The following LRPAP1 variants were observed in gnomAD, a reference collection of about 807,000 sequenced individuals.
LRPAP1 encodes the protein LDL receptor related protein associated protein 1.
A neutral mutation model predicts 39.9 loss-of-function variants in LRPAP1; 41 were observed. The observed-to-expected ratio is 1.03, with a 90% CI of 0.80 to 1.33. LRPAP1 has a LOEUF of 1.33. Among genes scored for constraint, LRPAP1 ranks in the 40% most tolerant of loss-of-function variants. LRPAP1 has a pLI of 0.00. For synonymous variants in LRPAP1, 263 were observed against 212.7 expected (o/e 1.24, Z -2.06); for missense variants, 565 against 482.3 (o/e 1.17, Z -1.61).
At chr4:3,525,147 C>A (rs1371019038) in intron 1 of LRPAP1, 96 bp from the exon 2 acceptor site, 3 of 1,433,870 alleles carry the variant, frequency 2.1e-6, no homozygotes, top group Non-Finnish European at 2.9e-6. Context: ...CCGGGAGGTT[C>A]TGGGAGACCA....
rs1272550664 is a variant in LRPAP1, at chr4:3,505,498, G to A, written c.*7476C>T. 6.6e-6 allele frequency among the ~76,000 whole-genome samples: 1 copy of A among 152,186 alleles called. No homozygotes were observed. The highest frequency in any genetic ancestry group is 2.4e-5 in the African/African-American group (1 of 41,444). Reference sequence around the variant, plus strand: ...CACACCGCGCAGCTGCCTGTGCCTGGCAGGGGCCTCCTGCGGCCGGAACGT... The same window carrying A: ...CACACCGCGCAGCTGCCTGTGCCTGACAGGGGCCTCCTGCGGCCGGAACGT... On this transcript the variant is annotated 3_prime_UTR_variant, in exon 8 of 8. Transcript: ENST00000650182.
In LRPAP1 at chr4:3,521,333, G is replaced by A. The variant is rs541212601; in HGVS notation, c.350-1140C>T. Among the ~76,000 whole-genome samples the A allele has an allele frequency of 3.4e-4, 52 of 152,256 alleles. 1 individual carries two copies. The highest frequency in any genetic ancestry group is 1.2e-3 in the African/African-American group (51 of 41,566). ...GCCTCACACTTCCCCTCACCCCGAGGACCTCTTCACCCAGATGGTGACTCC... is the reference window on the plus strand; with the variant it reads ...GCCTCACACTTCCCCTCACCCCGAGAACCTCTTCACCCAGATGGTGACTCC... On this transcript the variant is annotated intron_variant, in intron 2 of 7. Coordinates refer to ENST00000650182, the MANE Select transcript of LRPAP1 (RefSeq NM_002337.4).
At chr4:3,515,960 G>A in intron 6 of LRPAP1, 156 bp downstream of exon 6, 2 of 719,312 alleles carry the variant, frequency 2.8e-6, no homozygotes, top group Non-Finnish European at 2.3e-6. Context: ...AGATGAGAAG[G>A]AAAACGCAAG....
intron 2 of LRPAP1, among the ~76,000 whole-genome samples, chr4:3,521,428 C>T (rs1336787876): frequency 6.6e-6 from 1 of 152,186 alleles, no homozygotes; most frequent in African/African-American, 2.4e-5. Context: ...AGCGGGGCCT[C>T]CACATGCTCT....
At position 3,522,675 on chromosome 4, in the gene LRPAP1, C is replaced by A. The variant is rs1487137794; in HGVS notation, c.349+2232G>T. Among the ~76,000 whole-genome samples the A allele has an allele frequency of 1.6e-4, 17 of 107,258 alleles. 3 individuals carry two copies. In the East Asian group the frequency reaches 4.6e-3, roughly 29 times the overall value. The allele number at this position is 107,258 out of a possible 152,430, so 70.4% of individuals were successfully genotyped here. A position where few individuals can be genotyped will look rare whatever the true frequency, so the allele number is the denominator to read the frequency against. On this transcript the variant is annotated intron_variant, in intron 2 of 7. Coordinates refer to ENST00000650182, the MANE Select transcript of LRPAP1 (RefSeq NM_002337.4). Reference sequence around the variant, plus strand: ...TGGGGAGGACGGACGCCGCCCCACACCCCCTGCCTGGGGAGGACAGACGCC... The same window carrying A: ...TGGGGAGGACGGACGCCGCCCCACAACCCCTGCCTGGGGAGGACAGACGCC...
At position 3,507,842 on chromosome 4, in the gene LRPAP1, G is replaced by C. The variant is rs1007839798; in HGVS notation, c.*5132C>G. 1 of 152,162 alleles carries C rather than the reference G, an allele frequency of 6.6e-6. No homozygotes were observed. Among genetic ancestry groups the C allele is most frequent in the Non-Finnish European group, 1.5e-5 (1 of 68,032 alleles). The allele number at this position is 152,162 out of a possible 1,614,324, so 9.4% of individuals were successfully genotyped here. On this transcript the variant is annotated 3_prime_UTR_variant, in exon 8 of 8. Transcript: ENST00000650182. ...TAAACTCTTAGCTAGTCTGATCAGG[G>C]GGAAAAGAAAACACAAATGGCCCAG...
chr4:3,518,901 C>T lies in LRPAP1; in HGVS notation c.562G>A (p.Val188Ile), dbSNP rs750423681. The T allele has an allele frequency of 1.2e-5, 20 of 1,612,680 alleles. No homozygotes were observed. Among genetic ancestry groups the T allele is most frequent in the South Asian group, 4.4e-5 (4 of 90,902 alleles). ...GTCCTGCTCAGGGTCTCCAGCAGGA[C>T]GTTGTACTCGTGAACTTTCTCTTTG... ...HHKEKVHEYN[V>I]LLETLSRTEE... The change falls in exon 4 of 8, where the codon GTC (valine) becomes ATC (isoleucine). Residue 188 changes from valine to isoleucine, a missense_variant. By Grantham distance (29) the Val-to-Ile change is conservative. Transcript: ENST00000650182.
At chr4:3,522,202 C>T (rs1006351728) in intron 2 of LRPAP1, among the ~76,000 whole-genome samples, 5 of 152,104 alleles carry the variant, frequency 3.3e-5, no homozygotes, top group African/African-American at 7.2e-5. Flanking sequence ...CCCCTGAGCC[C>T]GAGAGGAGGA....
chr4:3,515,783 G>A (rs1729673101), intron 6 of LRPAP1: 5 of 372,000 alleles, frequency 1.3e-5, no homozygotes, highest in Admixed American at 8.6e-5. Context: ...AAACGATCCC[G>A]GTAGTGTCCT....
intron 2 of LRPAP1, among the ~76,000 whole-genome samples, chr4:3,521,578 C>A (rs1373619832): frequency 4.6e-5 from 7 of 152,210 alleles, no homozygotes; most frequent in Admixed American, 3.3e-4. Flanking sequence ...GGCCTCTGAT[C>A]CCTCCTGTCT....
In LRPAP1 at chr4:3,519,786, G is replaced by A. The variant is rs528507052; in HGVS notation, c.471+286C>T. 3.9e-5 allele frequency among the ~76,000 whole-genome samples: 6 copies of A among 152,346 alleles called. No homozygotes were observed. The South Asian group carries it at 1.0e-3, about 26-fold the overall frequency. ...GAGTAAAGAACGCAGCCCATGCTAC[G>A]TCACCATCCCGTAACCACACGTGAC... On this transcript the variant is annotated intron_variant, in intron 3 of 7. Transcript: ENST00000650182.
chr4:3,521,288 T>C (rs114467653), intron 2 of LRPAP1, among the ~76,000 whole-genome samples: 126 of 152,312 alleles, frequency 8.3e-4, no homozygotes, highest in African/African-American at 2.8e-3. Context: ...CCCAAGATGC[T>C]GGGCTCGGAG....
intron 4 of LRPAP1, 99 bp from the exon 5 acceptor site, chr4:3,518,291 C>T (rs1309487164): frequency 2.3e-6 from 3 of 1,306,568 alleles, no homozygotes; most frequent in Non-Finnish European, 3.1e-6. Context: ...CTCAAACTCG[C>T]TCTCATTTCT....
chr4:3,526,564 G>A (rs1025208163), intron 1 of LRPAP1, among the ~76,000 whole-genome samples: 8 of 152,238 alleles, frequency 5.3e-5, no homozygotes, highest in African/African-American at 4.8e-5. Flanking sequence ...CCCGCAGCCC[G>A]CGCCGCCTTG....
intron 3 of LRPAP1, among the ~76,000 whole-genome samples, chr4:3,519,488 T>C (rs572117243): frequency 2.2e-4 from 33 of 152,326 alleles, no homozygotes; most frequent in South Asian, 6.2e-4. Context: ...GCCAAGGACA[T>C]TGAGCTGAGA....
chr4:3,531,344 T>C (rs980049985), intron 1 of LRPAP1, among the ~76,000 whole-genome samples: 2 of 152,176 alleles, frequency 1.3e-5, no homozygotes, highest in African/African-American at 4.8e-5. Context: ...AATCACTTAC[T>C]TTCCCTCTCA....
chr4:3,522,791 G>T lies in LRPAP1; in HGVS notation c.349+2116C>A, dbSNP rs545771248. On this transcript the variant is annotated intron_variant, in intron 2 of 7. Transcript: ENST00000650182. ...GCCCTGGGGGCGCGGTGGGGGTGAG[G>T]ACAGGAGCGAACCCCAGAGCAGAGC... Among the ~76,000 whole-genome samples, 51 of 152,258 alleles carry T rather than the reference G, an allele frequency of 3.3e-4. 1 individual carries two copies. The highest frequency in any genetic ancestry group is 1.2e-3 in the African/African-American group (49 of 41,546).
At position 3,524,923 on chromosome 4, in the gene LRPAP1, G is replaced by A. The variant is rs1265355399; in HGVS notation, c.333C>T (p.Leu111=). ...CAAACGTACCATTGAGGTTGCGTAT[G>A]AGTCTCGCTTCCTTCTCCCCATCTT... is the stretch of plus-strand genomic sequence containing the variant. ...LDEDGEKEAR[L]IRNLNVILAK... The change falls in exon 2 of 8, where the codon CTC becomes CTT. Residue 111 remains leucine (L), a synonymous_variant. Transcript: ENST00000650182. 6.2e-7 allele frequency: 1 copy of A among 1,614,238 alleles called. No individual in the cohort carries two copies.
chr4:3,513,490 G>A (rs116032539), intron 7 of LRPAP1, among the ~76,000 whole-genome samples: 12,881 of 152,042 alleles, frequency 0.085, 759 homozygotes, highest in South Asian at 0.14. Flanking sequence ...TCTACTTTTG[G>A]TAGAGATGGG....
Sources: gnomAD v4.1 joint callset for allele counts (sites outside exome capture counted in the v4.1 genomes callset) on GRCh38, gnomAD v4.1.1 for gene constraint, MANE v1.5 for transcripts, NCBI Gene and HGNC (gene_info 2026-07-23, HGNC 2026-07-21) for gene names.